The following ETV6 variants were observed in gnomAD, a reference collection of about 807,000 sequenced individuals.
ETV6 encodes the protein ETS variant transcription factor 6.
A neutral mutation model predicts 51.1 loss-of-function variants in ETV6; 16 were observed. That is an observed-to-expected ratio of 0.31 (90% CI 0.21 to 0.48). The LOEUF is 0.48. ETV6 is among the 20% of genes least tolerant of loss of function. ETV6 has a pLI of 0.99. For missense variants in ETV6, 458 were observed against 594.8 expected (o/e 0.77, Z 2.39); for synonymous variants, 240 against 224.1 (o/e 1.07, Z -0.64).
intron 1 of ETV6, among the ~76,000 whole-genome samples, chr12:11,675,681 A>G (rs544567419): frequency 6.9e-4 from 105 of 152,280 alleles, no homozygotes; most frequent in African/African-American, 2.4e-3. Flanking sequence ...GGATGTGGTA[A>G]TGTGTGCCTG....
At chr12:11,791,002 C>T (rs1945579316) in intron 2 of ETV6, among the ~76,000 whole-genome samples, 1 of 152,036 alleles carries the variant, frequency 6.6e-6, no homozygotes, top group Non-Finnish European at 1.5e-5. Flanking sequence ...TTCTAATCTG[C>T]CATGGTAGGG....
intron 1 of ETV6, among the ~76,000 whole-genome samples, chr12:11,737,630 A>G (rs1401520826): frequency 6.6e-6 from 1 of 152,226 alleles, no homozygotes; most frequent in Non-Finnish European, 1.5e-5. Flanking sequence ...TGGTGAGACA[A>G]TGCATATTAA....
chr12:11,774,564 C>T (rs559127755), intron 2 of ETV6, among the ~76,000 whole-genome samples: 6 of 152,238 alleles, frequency 3.9e-5, no homozygotes, highest in South Asian at 2.1e-4. Flanking sequence ...TGTTGGCTCC[C>T]GAAGCACCTT....
intron 2 of ETV6, among the ~76,000 whole-genome samples, chr12:11,763,128 T>C (rs762112239): frequency 3.3e-5 from 5 of 152,156 alleles, no homozygotes; most frequent in Admixed American, 1.3e-4. Context: ...AGAAAATGCT[T>C]TCCTTTTTCA....
chr12:11,845,662 A>G (rs1018737998), intron 3 of ETV6, among the ~76,000 whole-genome samples: 3 of 152,286 alleles, frequency 2.0e-5, no homozygotes, highest in Non-Finnish European at 2.9e-5. Context: ...AGGTTAATTC[A>G]ATTGGCCTGC....
At position 11,848,126 on chromosome 12, in the gene ETV6, C is replaced by A. The variant is rs564696618; in HGVS notation, c.329-5301C>A. 3.3e-5 allele frequency among the ~76,000 whole-genome samples: 5 copies of A among 152,332 alleles called. No homozygotes were observed. The South Asian group carries it at 1.0e-3, about 32-fold the overall frequency. On this transcript the variant is annotated intron_variant, in intron 3 of 7. Transcript: ENST00000396373. Reference sequence around the variant, plus strand: ...TCACGCTTATGACAATTGCAAGAGACACCATCCATTGAGCGTTTATGATGG... The same window carrying A: ...TCACGCTTATGACAATTGCAAGAGAAACCATCCATTGAGCGTTTATGATGG...
chr12:11,652,387 T>C (rs577578307), intron 1 of ETV6, among the ~76,000 whole-genome samples: 2 of 152,368 alleles, frequency 1.3e-5, no homozygotes, highest in African/African-American at 4.8e-5. Context: ...GCGTTTCATT[T>C]AGTCCTTGGG....
At chr12:11,661,833 A>G (rs1342773027) in intron 1 of ETV6, among the ~76,000 whole-genome samples, 2 of 152,182 alleles carry the variant, frequency 1.3e-5, no homozygotes, top group African/African-American at 2.4e-5. Flanking sequence ...TGTGTCTGGC[A>G]GGGCTGTGAG....
chr12:11,780,106 G>A (rs1179262822), intron 2 of ETV6, among the ~76,000 whole-genome samples: 1 of 152,174 alleles, frequency 6.6e-6, no homozygotes, highest in Non-Finnish European at 1.5e-5. Context: ...GTACAGAGAA[G>A]GCTTCCACTA....
intron 1 of ETV6, among the ~76,000 whole-genome samples, chr12:11,667,696 ATTTTTT>A (rs34458275): frequency 0.028 from 2,073 of 73,000 alleles, 21 homozygotes; most frequent in Non-Finnish European, 0.041. Context: ...TACCTGGCTA[ATTTTTT>A]TTTTTTTTTT....
At chr12:11,790,359 C>A (rs1945563382) in intron 2 of ETV6, among the ~76,000 whole-genome samples, 1 of 152,098 alleles carries the variant, frequency 6.6e-6, no homozygotes, top group Non-Finnish European at 1.5e-5. Context: ...GTTGATGGAC[C>A]CCTCAAGCAC....
At chr12:11,849,922 G>A (rs1946523917) in intron 3 of ETV6, among the ~76,000 whole-genome samples, 1 of 152,156 alleles carries the variant, frequency 6.6e-6, no homozygotes, top group Non-Finnish European at 1.5e-5. Context: ...CCGTCCGCAT[G>A]GTGGTGATGT....
At chr12:11,799,211 A>C (rs549677232) in intron 2 of ETV6, among the ~76,000 whole-genome samples, 1 of 152,218 alleles carries the variant, frequency 6.6e-6, no homozygotes, top group African/African-American at 2.4e-5. Flanking sequence ...ATGGGCTCAT[A>C]CAGGTTCACA....
At chr12:11,680,996 T>G (rs540624539) in intron 1 of ETV6, among the ~76,000 whole-genome samples, 108 of 152,306 alleles carry the variant, frequency 7.1e-4, no homozygotes, top group African/African-American at 2.4e-3. Flanking sequence ...TAGGAGACTT[T>G]AAGGTGCTCA....
chr12:11,883,276 C>CTTCTTTT (rs776231778), intron 5 of ETV6, among the ~76,000 whole-genome samples: 1 of 79,118 alleles, frequency 1.3e-5, no homozygotes, highest in African/African-American at 7.4e-5. Flanking sequence ...ATGTCTTCTT[C>CTTCTTTT]TTTTTTTTTT....
rs532218334 is a variant in ETV6 at position 11,877,701 on chromosome 12, G to C, written c.1010-6744G>C. On this transcript the variant is annotated intron_variant, in intron 5 of 7. Coordinates refer to ENST00000396373, the MANE Select transcript of ETV6 (RefSeq NM_001987.5). ...AGTCCTAGGGAAGCAGTGTGGGCCT[G>C]TGGCAAAAGCTTGGACTGCGAAGTC... 2.6e-5 allele frequency among the ~76,000 whole-genome samples: 4 copies of C among 152,282 alleles called. No homozygotes were observed. In the East Asian group the frequency reaches 7.7e-4, roughly 29 times the overall value.
chr12:11,833,786 A>G (rs80228342), intron 2 of ETV6, among the ~76,000 whole-genome samples: 556 of 152,306 alleles, frequency 3.7e-3, no homozygotes, highest in African/African-American at 0.013. Flanking sequence ...CATTGCTGTT[A>G]TTAGGCTACA....
chr12:11,829,613 A>G (rs1394109126), intron 2 of ETV6, among the ~76,000 whole-genome samples: 1 of 152,218 alleles, frequency 6.6e-6, no homozygotes, highest in African/African-American at 2.4e-5. Context: ...TTTTGCTGTC[A>G]ACAGGTTTTC....
At chr12:11,838,276 T>C (rs1946343836) in intron 2 of ETV6, among the ~76,000 whole-genome samples, 1 of 152,242 alleles carries the variant, frequency 6.6e-6, no homozygotes, top group African/African-American at 2.4e-5. Flanking sequence ...TCGGGAACCC[T>C]GATGGGTCCC....
Sources: gnomAD v4.1 joint callset for allele counts (sites outside exome capture counted in the v4.1 genomes callset) on GRCh38, gnomAD v4.1.1 for gene constraint, MANE v1.5 for transcripts, NCBI Gene and HGNC (gene_info 2026-07-23, HGNC 2026-07-21) for gene names.